Variants in SLC13A3 observed in about 807,000 individuals in gnomAD.
SLC13A3 encodes solute carrier family 13 member 3.
A neutral mutation model predicts 59.0 loss-of-function variants in SLC13A3; 40 were observed. The ratio of observed to expected loss-of-function variants is 0.68; its 90% CI spans 0.53 to 0.88. SLC13A3 has a LOEUF of 0.88. Among genes scored for constraint, SLC13A3 ranks in the 40% least tolerant of loss-of-function variants. The pLI is 0.00. For synonymous variants in SLC13A3, 317 were observed against 330.3 expected (o/e 0.96, Z 0.44); for missense variants, 699 against 783.2 (o/e 0.89, Z 1.28).
In SLC13A3 at chr20:46,628,492, A is replaced by T. The variant is rs542422932; in HGVS notation, c.112-14767T>A. Among the ~76,000 whole-genome samples, 6 of 152,278 alleles carry T rather than the reference A, an allele frequency of 3.9e-5. No homozygotes were observed. In the East Asian group the frequency reaches 1.2e-3, roughly 29 times the overall value. ...AAGGCCTAACGGAGTCTGCATCTGGAGAAGACAGGTGCCACAGGGAAGGAG... is the reference window on the plus strand; with the variant it reads ...AAGGCCTAACGGAGTCTGCATCTGGTGAAGACAGGTGCCACAGGGAAGGAG... On this transcript the variant is annotated intron_variant, in intron 1 of 12. Coordinates refer to ENST00000279027, the MANE Select transcript of SLC13A3 (RefSeq NM_022829.6).
At chr20:46,609,044 A>C (rs1168172371) in intron 3 of SLC13A3, 1 of 1,550,558 alleles carries the variant, frequency 6.4e-7, no homozygotes, top group Admixed American at 2.0e-5. Context: ...AGAGGAAAGT[A>C]TTGGGTTCTA....
chr20:46,681,551 GCA>G (rs1266714048), intron 1 of SLC13A3: 1 of 152,146 alleles, frequency 6.6e-6, no homozygotes, highest in Non-Finnish European at 1.5e-5. Context: ...GCAGAAAAGT[GCA>G]CAGTCCATTG....
intron 9 of SLC13A3, among the ~76,000 whole-genome samples, chr20:46,575,998 G>C (rs2062072302): frequency 6.6e-6 from 1 of 152,192 alleles, no homozygotes; most frequent in Non-Finnish European, 1.5e-5. Context: ...TCATTTATAA[G>C]AGAAAAGGCT....
chr20:46,612,082 T>C (rs935146264), intron 2 of SLC13A3, among the ~76,000 whole-genome samples: 1 of 151,202 alleles, frequency 6.6e-6, no homozygotes, highest in Non-Finnish European at 1.5e-5. Flanking sequence ...TTTTTCTTTC[T>C]GTCTTTTCTT....
chr20:46,644,234 C>T (rs1164974603), intron 1 of SLC13A3, among the ~76,000 whole-genome samples: 1 of 152,090 alleles, frequency 6.6e-6, no homozygotes, highest in African/African-American at 2.4e-5. Flanking sequence ...ACGATGGCAA[C>T]TGTAATATTA....
intron 1 of SLC13A3, among the ~76,000 whole-genome samples, chr20:46,677,773 G>A (rs1469021947): frequency 1.2e-4 from 18 of 152,156 alleles, no homozygotes; most frequent in Admixed American, 1.1e-3. Context: ...CGGGACCAGC[G>A]TGATGACAAA....
chr20:46,562,700 A>G (rs1463982336), intron 12 of SLC13A3, among the ~76,000 whole-genome samples: 3 of 152,120 alleles, frequency 2.0e-5, no homozygotes, highest in Admixed American at 6.5e-5. Flanking sequence ...CACTCAGTAA[A>G]TAGTGCTGTA....
At chr20:46,676,536 C>T (rs886296907) in intron 1 of SLC13A3, among the ~76,000 whole-genome samples, 1 of 151,438 alleles carries the variant, frequency 6.6e-6, no homozygotes, top group African/African-American at 2.4e-5. Flanking sequence ...ATTACAGGCA[C>T]GAGCCACTGC....
intron 9 of SLC13A3, chr20:46,582,699 C>A: frequency 1.0e-6 from 1 of 985,308 alleles, no homozygotes; most frequent in Non-Finnish European, 1.2e-6. Context: ...CACACTCAAA[C>A]CCTGACTCTT....
intron 9 of SLC13A3, among the ~76,000 whole-genome samples, chr20:46,581,053 C>A (rs1232598336): frequency 6.6e-6 from 1 of 152,260 alleles, no homozygotes; most frequent in African/African-American, 2.4e-5. Flanking sequence ...GGTAGCCCCA[C>A]TCCACAAGAA....
intron 10 of SLC13A3, among the ~76,000 whole-genome samples, chr20:46,568,087 A>C (rs972935960): frequency 6.6e-6 from 1 of 152,120 alleles, no homozygotes. Flanking sequence ...AAAATTTCAT[A>C]ATCGATTCTA....
intron 1 of SLC13A3, among the ~76,000 whole-genome samples, chr20:46,677,742 T>C (rs2122947171): frequency 6.6e-6 from 1 of 152,232 alleles, no homozygotes; most frequent in East Asian, 1.9e-4. Context: ...CACTCTCCTC[T>C]TACCTCTGTA....
upstream of SLC13A3, among the ~76,000 whole-genome samples, chr20:46,655,443 C>T (rs753844062): frequency 3.4e-5 from 5 of 148,718 alleles, no homozygotes; most frequent in East Asian, 1.9e-4. Context: ...GGCATCTGCT[C>T]GGCTTCTGGG....
chr20:46,635,442 G>A (rs1239179347), intron 1 of SLC13A3, among the ~76,000 whole-genome samples: 4 of 152,172 alleles, frequency 2.6e-5, no homozygotes. Context: ...TTCCTTTATA[G>A]ATGCTCAGGG....
intron 1 of SLC13A3, among the ~76,000 whole-genome samples, chr20:46,629,427 C>T (rs575324852): frequency 5.9e-5 from 9 of 152,202 alleles, no homozygotes; most frequent in Non-Finnish European, 1.2e-4. Context: ...TAAGCTCTTT[C>T]AACCTGCATA....
intron 10 of SLC13A3, among the ~76,000 whole-genome samples, chr20:46,567,678 T>C (rs1181122388): frequency 6.6e-6 from 1 of 152,146 alleles, no homozygotes; most frequent in Non-Finnish European, 1.5e-5. Context: ...GGGTGCTCTC[T>C]CTGCTGACTT....
intron 12 of SLC13A3, among the ~76,000 whole-genome samples, chr20:46,560,455 G>T (rs925781214): frequency 1.3e-5 from 2 of 152,172 alleles, no homozygotes; most frequent in African/African-American, 2.4e-5. Flanking sequence ...CTACGCAGTT[G>T]TCACAGGGTT....
intron 1 of SLC13A3, among the ~76,000 whole-genome samples, chr20:46,642,853 C>T (rs376273229): frequency 2.0e-5 from 3 of 152,146 alleles, no homozygotes; most frequent in African/African-American, 4.8e-5. Context: ...GGGAGATAGG[C>T]GACAGCAGGA....
At chr20:46,601,257 T>C (rs2122712863) in intron 3 of SLC13A3, among the ~76,000 whole-genome samples, 1 of 152,252 alleles carries the variant, frequency 6.6e-6, no homozygotes, top group Admixed American at 6.5e-5. Flanking sequence ...AGAATGGACG[T>C]AGGGAAAGGG....
Sources: gnomAD v4.1 joint callset for allele counts (sites outside exome capture counted in the v4.1 genomes callset) on GRCh38, gnomAD v4.1.1 for gene constraint, MANE v1.5 for transcripts, NCBI Gene and HGNC (gene_info 2026-07-23, HGNC 2026-07-21) for gene names.